The following NLGN4X variants were observed in gnomAD, a reference collection of about 807,000 sequenced individuals.
NLGN4X encodes neuroligin 4 X-linked.
NLGN4X carries 3 observed loss-of-function variants against 40.3 expected under a neutral mutation model. That is an observed-to-expected ratio of 0.07 (90% CI 0.03 to 0.19). NLGN4X has a LOEUF of 0.19. Ranked by LOEUF, NLGN4X falls within the 10% of genes least tolerant of loss-of-function variation. The pLI is 1.00. For missense variants in NLGN4X, 382 were observed against 708.3 expected, an observed-to-expected ratio of 0.54 and a Z score of 5.23; for synonymous variants, 270 against 306.8, an observed-to-expected ratio of 0.88 and a Z score of 1.25.
Position 6,221,390 on chromosome X carries a change from ATTATATATATATATATATATATATAT to A in NLGN4X, c.-306+7125_-306+7150del, listed in dbSNP as rs1450592221. On this transcript the variant is annotated intron_variant, in intron 1 of 5. Transcript: ENST00000381095. ...GGAAAACCACATTTTTCCTTCTTAT[ATTATATATATATATATATATATATAT>A]ATATATATATATATTTGCTTTTATC... Among the ~76,000 whole-genome samples the A allele has an allele frequency of 7.6e-5, 3 of 39,584 alleles. No individual in the cohort carries two copies. The East Asian group carries it at 2.0e-3, about 26-fold the overall frequency. 34.4% of individuals were successfully genotyped at this position (39,584 alleles called of 115,157 possible).
intron 3 of NLGN4X, among the ~76,000 whole-genome samples, chrX:5,978,051 C>A (rs1168011672): frequency 8.9e-6 from 1 of 111,867 alleles, no homozygotes; most frequent in Non-Finnish European, 1.9e-5. Context: ...CAGGATTGGA[C>A]GGAATTGGAT....
chrX:6,030,869 TG>T (rs762281498), intron 2 of NLGN4X, among the ~76,000 whole-genome samples: 2 of 112,445 alleles, frequency 1.8e-5, no homozygotes, highest in African/African-American at 6.4e-5. Flanking sequence ...TGCTTCTTTC[TG>T]GTTCCTAATT....
intron 3 of NLGN4X, among the ~76,000 whole-genome samples, chrX:5,947,804 A>T (rs183037751): frequency 8.9e-6 from 1 of 112,123 alleles, no homozygotes; most frequent in Non-Finnish European, 1.9e-5. Flanking sequence ...GTTTGTGGGT[A>T]CAAAATTTCA....
At chrX:6,009,084 T>TGA (rs398073612) in intron 3 of NLGN4X, among the ~76,000 whole-genome samples, 7 of 111,674 alleles carry the variant, frequency 6.3e-5, no homozygotes, top group Non-Finnish European at 1.3e-4. Context: ...TGTGTGTGTG[T>TGA]ACACGCATAA....
chrX:6,050,543 T>C lies in NLGN4X; in HGVS notation c.473-21111A>G, dbSNP rs766916483. Among the ~76,000 whole-genome samples the C allele has an allele frequency of 8.0e-5, 9 of 111,857 alleles. No individual in the cohort carries two copies. In the South Asian group the frequency reaches 3.4e-3, roughly 43 times the overall value. The stretch of plus-strand genomic sequence containing the variant: ...CCCATCTCTATCTATCATCTATCCA[T>C]GTATCCATATCTGTCTATGCATCTA... On this transcript the variant is annotated intron_variant, in intron 2 of 5. Transcript: ENST00000381095.
rs3220455 is a variant in NLGN4X, at chrX:5,941,180, GGTGTGTGTGTGT to G, written c.626-31953_626-31942del. On this transcript the variant is annotated intron_variant, in intron 3 of 5. Transcript: ENST00000381095. ...CGTTGTTCTGGATCGTATGCTAGGG[GGTGTGTGTGTGT>G]GTGTGTGTGTGTGTGTGTGTGTGTG... 2.9e-3 allele frequency among the ~76,000 whole-genome samples: 171 copies of G among 58,612 alleles called. 3 individuals are homozygous for G. The highest frequency in any genetic ancestry group is 0.012 in the South Asian group (9 of 766). The allele number at this position is 58,612 out of a possible 115,157, so 50.9% of individuals were successfully genotyped here. A position where few individuals can be genotyped will look rare whatever the true frequency, so the allele number is the denominator to read the frequency against.
chrX:5,901,351 C>T (rs969203834), intron 5 of NLGN4X, among the ~76,000 whole-genome samples: 8 of 111,846 alleles, frequency 7.2e-5, no homozygotes, highest in Admixed American at 4.7e-4. Flanking sequence ...CCTCCCTGGG[C>T]GACAGGCACA....
intron 4 of NLGN4X, among the ~76,000 whole-genome samples, chrX:5,908,721 C>A (rs1273484781): frequency 1.8e-5 from 2 of 111,486 alleles, no homozygotes; most frequent in African/African-American, 6.5e-5. Context: ...CCAGCCCAGG[C>A]AAACATAGCA....
At chrX:5,949,137 A>G (rs1318109412) in intron 3 of NLGN4X, among the ~76,000 whole-genome samples, 1 of 111,963 alleles carries the variant, frequency 8.9e-6, no homozygotes. Context: ...CTCCCAGAAC[A>G]TTCTATTCAA....
At chrX:5,954,391 CTTTTT>C (rs764108500) in intron 3 of NLGN4X, among the ~76,000 whole-genome samples, 2 of 55,868 alleles carry the variant, frequency 3.6e-5, no homozygotes, top group African/African-American at 7.0e-5. Flanking sequence ...GCTTGGCTAA[CTTTTT>C]TTTTTTTTTT....
chrX:5,994,890 C>T (rs2035777815), intron 3 of NLGN4X, among the ~76,000 whole-genome samples: 1 of 112,371 alleles, frequency 8.9e-6, no homozygotes, highest in South Asian at 3.7e-4. Context: ...TACCTTAATC[C>T]TAAATAAGTG....
chrX:5,917,603 A>G (rs886326986), intron 3 of NLGN4X, among the ~76,000 whole-genome samples: 22 of 112,014 alleles, frequency 2.0e-4, no homozygotes, highest in African/African-American at 6.2e-4. Context: ...CTCCCATAGC[A>G]AGCTGAGGAA....
intron 3 of NLGN4X, among the ~76,000 whole-genome samples, chrX:5,955,774 A>G (rs6639545): frequency 0.29 from 29,908 of 102,634 alleles, 4,261 homozygotes; most frequent in Middle Eastern, 0.56. Flanking sequence ...AAGTACTTCA[A>G]TATTTGTTAG....
chrX:6,048,852 G>A (rs1444258593), intron 2 of NLGN4X, among the ~76,000 whole-genome samples: 5 of 107,206 alleles, frequency 4.7e-5, no homozygotes, highest in East Asian at 6.0e-4. Flanking sequence ...CAGGGAGGGC[G>A]GGGGGAAGGG....
At chrX:5,972,818 G>A (rs2147029152) in intron 3 of NLGN4X, among the ~76,000 whole-genome samples, 1 of 110,329 alleles carries the variant, frequency 9.1e-6, no homozygotes, top group Admixed American at 9.7e-5. Flanking sequence ...AGAGTGCTGG[G>A]ATTACAGGCA....
intron 2 of NLGN4X, among the ~76,000 whole-genome samples, chrX:6,109,093 C>T (rs150061633): frequency 0.043 from 4,725 of 111,057 alleles, 212 homozygotes; most frequent in African/African-American, 0.13. Context: ...GAGATGCTAT[C>T]GCTACAAAAA....
At chrX:6,144,524 AG>A (rs1467254678) in intron 2 of NLGN4X, among the ~76,000 whole-genome samples, 2 of 111,530 alleles carry the variant, frequency 1.8e-5, no homozygotes, top group African/African-American at 6.5e-5. Context: ...AGGTATCAGG[AG>A]GGCTGTCGGG....
intron 1 of NLGN4X, among the ~76,000 whole-genome samples, chrX:6,212,259 G>C (rs1186660418): frequency 9.6e-6 from 1 of 104,183 alleles, no homozygotes; most frequent in Non-Finnish European, 2.0e-5. Flanking sequence ...AAAAAAAAAA[G>C]AGTCCTTGAA....
At chrX:6,088,935 A>T (rs757750274) in intron 2 of NLGN4X, among the ~76,000 whole-genome samples, 3 of 111,936 alleles carry the variant, frequency 2.7e-5, no homozygotes, top group Non-Finnish European at 5.6e-5. Flanking sequence ...AAGCAGATGA[A>T]TGATAAATGC....
Sources: allele counts gnomAD v4.1 joint callset (sites outside exome capture counted in the v4.1 genomes callset), GRCh38; gene constraint gnomAD v4.1.1; transcripts MANE v1.5; gene names NCBI Gene and HGNC (gene_info 2026-07-23, HGNC 2026-07-21).